The following OPCML variants were observed in gnomAD, a reference collection of about 807,000 sequenced individuals.
OPCML encodes opioid-binding protein/cell adhesion molecule.
Under a neutral mutation model 37.8 loss-of-function variants are expected in OPCML, and 13 were observed. That is an observed-to-expected ratio of 0.34 (90% CI 0.22 to 0.55). The LOEUF (loss-of-function observed/expected upper bound fraction) is 0.55. Among genes scored for constraint, OPCML ranks in the 20% least tolerant of loss-of-function variants. The pLI is 0.91. For missense variants in OPCML, 341 were observed against 435.6 expected (o/e 0.78, Z 1.93); for synonymous variants, 176 against 168.8 (o/e 1.04, Z -0.33).
intron 1 of OPCML, among the ~76,000 whole-genome samples, chr11:133,428,727 G>A (rs1489575727): frequency 6.6e-6 from 1 of 152,066 alleles, no homozygotes; most frequent in Non-Finnish European, 1.5e-5. Context: ...TCTGGGAAAG[G>A]AAGAGTGAAT....
chr11:132,426,931 A>G (rs2136681422), intron 7 of OPCML, among the ~76,000 whole-genome samples: 1 of 152,314 alleles, frequency 6.6e-6, no homozygotes, highest in Non-Finnish European at 1.5e-5. Flanking sequence ...CAGAGCTCTC[A>G]GAAAAAAATA....
chr11:132,859,047 C>G (rs773940631), intron 2 of OPCML, among the ~76,000 whole-genome samples: 1 of 152,160 alleles, frequency 6.6e-6, no homozygotes, highest in Non-Finnish European at 1.5e-5. Flanking sequence ...GGACTTCTCT[C>G]TGAAATATAT....
chr11:133,317,608 T>A (rs1943236213), intron 1 of OPCML, among the ~76,000 whole-genome samples: 1 of 152,224 alleles, frequency 6.6e-6, no homozygotes, highest in Non-Finnish European at 1.5e-5. Context: ...GAAGTGAGTA[T>A]CATAGTGATA....
At chr11:132,464,369 C>T (rs912654655) in intron 4 of OPCML, among the ~76,000 whole-genome samples, 2 of 152,170 alleles carry the variant, frequency 1.3e-5, no homozygotes, top group African/African-American at 2.4e-5. Context: ...TATATGTACT[C>T]GTGTATTTGT....
intron 1 of OPCML, among the ~76,000 whole-genome samples, chr11:133,062,824 C>T (rs1449774956): frequency 6.6e-6 from 1 of 152,250 alleles, no homozygotes; most frequent in African/African-American, 2.4e-5. Context: ...CGCCCCTGAG[C>T]CTCTGCCTTG....
chr11:132,753,356 T>C (rs1307683828), intron 2 of OPCML, among the ~76,000 whole-genome samples: 1 of 152,208 alleles, frequency 6.6e-6, no homozygotes, highest in Non-Finnish European at 1.5e-5. Context: ...TCCTGAATTA[T>C]GAGAGTTGCG....
chr11:133,292,310 C>T (rs1414025529), intron 1 of OPCML, among the ~76,000 whole-genome samples: 4 of 152,094 alleles, frequency 2.6e-5, no homozygotes, highest in African/African-American at 7.2e-5. Context: ...TGCAATATTG[C>T]TTTTTTCATA....
chr11:133,165,739 C>T (rs928859176), intron 1 of OPCML, among the ~76,000 whole-genome samples: 5 of 152,058 alleles, frequency 3.3e-5, no homozygotes, highest in South Asian at 4.2e-4. Flanking sequence ...GCTGGCAGGC[C>T]CTCTCTCCTC....
At chr11:133,311,597 T>C (rs184997308) in intron 1 of OPCML, among the ~76,000 whole-genome samples, 160 of 152,190 alleles carry the variant, frequency 1.1e-3, no homozygotes, top group African/African-American at 3.6e-3. Context: ...TTCTAAAAAA[T>C]GTATGATTCA....
intron 3 of OPCML, among the ~76,000 whole-genome samples, chr11:132,592,878 C>A (rs539050510): frequency 6.6e-6 from 1 of 152,304 alleles, no homozygotes; most frequent in South Asian, 2.1e-4. Flanking sequence ...CTCATTTATT[C>A]ATCTAACAGT....
intron 1 of OPCML, chr11:133,003,717 C>G (rs1947054636): frequency 9.1e-6 from 9 of 985,326 alleles, no homozygotes; most frequent in African/African-American, 1.7e-5. Context: ...AAAGTCCCTA[C>G]TTCTTGAATA....
intron 1 of OPCML, among the ~76,000 whole-genome samples, chr11:133,408,851 G>A (rs761650134): frequency 1.2e-4 from 19 of 152,182 alleles, no homozygotes; most frequent in Admixed American, 6.5e-5. Flanking sequence ...GAGACAATGC[G>A]ATTCAAAGAC....
intron 2 of OPCML, among the ~76,000 whole-genome samples, chr11:132,717,935 T>C (rs1944549871): frequency 6.6e-6 from 1 of 152,252 alleles, no homozygotes; most frequent in Non-Finnish European, 1.5e-5. Flanking sequence ...AACAGGTAGA[T>C]GGCCCTGCAA....
intron 1 of OPCML, among the ~76,000 whole-genome samples, chr11:133,001,101 T>G (rs1365745328): frequency 1.3e-5 from 2 of 152,196 alleles, no homozygotes; most frequent in Admixed American, 1.3e-4. Flanking sequence ...TAATTACACC[T>G]CTTTTCTTTA....
At chr11:132,815,477 T>C (rs990165065) in intron 2 of OPCML, among the ~76,000 whole-genome samples, 2 of 152,216 alleles carry the variant, frequency 1.3e-5, no homozygotes, top group African/African-American at 4.8e-5. Flanking sequence ...AAGTTTGAAG[T>C]CTTTAGCAAA....
At chr11:132,575,444 G>A (rs1346120712) in intron 3 of OPCML, among the ~76,000 whole-genome samples, 1 of 151,612 alleles carries the variant, frequency 6.6e-6, no homozygotes, top group Non-Finnish European at 1.5e-5. Context: ...GTTTACCTTG[G>A]AGCTTACACA....
intron 1 of OPCML, among the ~76,000 whole-genome samples, chr11:133,058,530 C>T (rs1034750244): frequency 6.6e-6 from 1 of 152,148 alleles, no homozygotes; most frequent in South Asian, 2.1e-4. Flanking sequence ...GGGACTCTCT[C>T]CCTGTGTCCA....
chr11:133,225,489 T>C (rs2136373549), intron 1 of OPCML, among the ~76,000 whole-genome samples: 1 of 152,254 alleles, frequency 6.6e-6, no homozygotes, highest in South Asian at 2.1e-4. Flanking sequence ...AATTCCCCAA[T>C]GCGAGTGCTG....
chr11:133,053,947 C>T (rs958666696), intron 1 of OPCML, among the ~76,000 whole-genome samples: 5 of 152,204 alleles, frequency 3.3e-5, no homozygotes, highest in African/African-American at 1.2e-4. Context: ...TTCACCACCA[C>T]TCTCTTCCCC....
Sources: allele counts gnomAD v4.1 joint callset (sites outside exome capture counted in the v4.1 genomes callset), GRCh38; gene constraint gnomAD v4.1.1; transcripts MANE v1.5; gene names NCBI Gene and HGNC (gene_info 2026-07-23, HGNC 2026-07-21).